CNEP1R1: variants seen among roughly 807,000 people sequenced by gnomAD.
CNEP1R1 encodes CTD nuclear envelope phosphatase 1 regulatory subunit 1.
In CNEP1R1, 10 loss-of-function variants were observed where a neutral mutation model predicts 22.7. The observed-to-expected ratio is 0.44, with a 90% CI of 0.27 to 0.75. The LOEUF is 0.75. CNEP1R1 is among the 30% of genes least tolerant of loss of function. The probability of loss-of-function intolerance (pLI) is 0.17; values close to 1 mark genes in which losing one functional copy is unlikely to be tolerated. For missense variants in CNEP1R1, 73 were observed against 151.5 expected, an observed-to-expected ratio of 0.48 and a Z score of 2.72; for synonymous variants, 53 against 50.1, an observed-to-expected ratio of 1.06 and a Z score of -0.25.
In CNEP1R1 at chr16:50,025,675, C is replaced by T. The variant is rs760645349; in HGVS notation, c.25+335C>T. On this transcript the variant is annotated intron_variant, in intron 1 of 5. Transcript: ENST00000427478. ...GCCCCGCGAGTTGTATCCCTGATTC[C>T]TGCGGTGGTTTCCGGTAACTGCCAA... is the stretch of plus-strand genomic sequence containing the variant. 3.1e-6 allele frequency: 5 copies of T among 1,614,030 alleles called. No homozygotes were observed. In the East Asian group the frequency reaches 6.7e-5, roughly 22 times the overall value.
rs1292854334 is a variant in CNEP1R1 at position 50,032,023 on chromosome 16, G to A, written c.172-1374G>A. 7.2e-5 allele frequency among the ~76,000 whole-genome samples: 11 copies of A among 152,172 alleles called. No homozygotes were observed. In the East Asian group the frequency reaches 1.9e-3, roughly 27 times the overall value. ...TCTTCTGGAATATTAACTTTTCCTT[G>A]GGTCATCATCTTTCTGGGAGCTTCT... is the stretch of plus-strand genomic sequence containing the variant. On this transcript the variant is annotated intron_variant, in intron 3 of 5. Transcript: ENST00000427478.
At chr16:50,025,723 T>C in intron 1 of CNEP1R1, 1 of 1,607,364 alleles carries the variant, frequency 6.2e-7, no homozygotes, top group African/African-American at 1.3e-5. Context: ...CTGCTCGGTG[T>C]TTTAAAGTTT....
chr16:50,029,631 T>C, intron 2 of CNEP1R1, 94 bp from the exon 3 acceptor site: 1 of 712,252 alleles, frequency 1.4e-6, no homozygotes, highest in East Asian at 2.6e-5. Context: ...TAAAGTGCTA[T>C]ATTCTTTGGT....
At chr16:50,028,323 A>G (rs2036204137) in intron 2 of CNEP1R1, among the ~76,000 whole-genome samples, 1 of 152,228 alleles carries the variant, frequency 6.6e-6, no homozygotes, top group Non-Finnish European at 1.5e-5. Context: ...AAGGAAGTGT[A>G]GTAGCACACA....
At chr16:50,030,541 GA>G (rs2036222814) in intron 3 of CNEP1R1, among the ~76,000 whole-genome samples, 1 of 152,070 alleles carries the variant, frequency 6.6e-6, no homozygotes, top group Non-Finnish European at 1.5e-5. Context: ...GACTTTACAG[GA>G]AACACACATG....
chr16:50,025,565 G>A, intron 1 of CNEP1R1: 10 of 1,366,026 alleles, frequency 7.3e-6, no homozygotes, highest in Middle Eastern at 2.1e-4. Flanking sequence ...CTCCTCGCCA[G>A]CTTCTATTTT....
At chr16:50,034,881 G>A (rs187772512) in intron 5 of CNEP1R1, among the ~76,000 whole-genome samples, 183 of 152,240 alleles carry the variant, frequency 1.2e-3, no homozygotes, top group African/African-American at 4.0e-3. Flanking sequence ...TAGCCTGGAC[G>A]ACAGTGAGAC....
chr16:50,027,507 C>CAAAA (rs71138024), intron 2 of CNEP1R1, among the ~76,000 whole-genome samples: 2 of 110,106 alleles, frequency 1.8e-5, no homozygotes, highest in Admixed American at 9.6e-5. Flanking sequence ...GACTCTGTCT[C>CAAAA]AAAAAAAAAA....
chr16:50,026,322 GT>G, intron 1 of CNEP1R1, 73 bp from the exon 2 acceptor site: 1 of 1,041,334 alleles, frequency 9.6e-7, no homozygotes, highest in Non-Finnish European at 1.5e-6. Flanking sequence ...TCGTCTTAAT[GT>G]TAGGTAAATA....
At chr16:50,025,591 G>T (rs1408151891) in intron 1 of CNEP1R1, 1 of 1,469,140 alleles carries the variant, frequency 6.8e-7, no homozygotes, top group Non-Finnish European at 9.5e-7. Flanking sequence ...TCTTTTCACT[G>T]GCAGACACTT....
chr16:50,030,898 A>C (rs1332173046), intron 3 of CNEP1R1, among the ~76,000 whole-genome samples: 1 of 152,238 alleles, frequency 6.6e-6, no homozygotes, highest in African/African-American at 2.4e-5. Context: ...GAATATCCCT[A>C]TACCAAATGC....
rs1336962198 is a variant in CNEP1R1, at chr16:50,026,475, C to A, written c.97+8C>A. 3.1e-6 allele frequency: 5 copies of A among 1,594,238 alleles called. No homozygotes were observed. The African/African-American group carries it at 6.7e-5, about 21-fold the overall frequency. ...CTACTGGACGCTGGAGAAGTAAGTTCCTGAATGTTATTTTAAGGGAAAACT... is the reference window on the plus strand; with the variant it reads ...CTACTGGACGCTGGAGAAGTAAGTTACTGAATGTTATTTTAAGGGAAAACT... On this transcript the variant is annotated splice_region_variant and intron_variant, in intron 2 of 5. Transcript: ENST00000427478.
intron 1 of CNEP1R1, chr16:50,025,809 G>A: frequency 1.1e-6 from 1 of 922,460 alleles, no homozygotes. Context: ...CTAGAACTAG[G>A]CGCTGCCTGG....
chr16:50,031,571 AAC>A, intron 3 of CNEP1R1, among the ~76,000 whole-genome samples: 1 of 152,338 alleles, frequency 6.6e-6, no homozygotes. Context: ...ATCTTAATAA[AAC>A]ACAGAATTAA....
At chr16:50,032,258 T>A (rs1306751102) in intron 3 of CNEP1R1, among the ~76,000 whole-genome samples, 2 of 152,220 alleles carry the variant, frequency 1.3e-5, no homozygotes, top group African/African-American at 4.8e-5. Flanking sequence ...CTCTAAATGC[T>A]TGTCTTCTCT....
chr16:50,025,520 A>G (rs2036172715), intron 1 of CNEP1R1, 180 bp downstream of exon 1: 3 of 1,080,256 alleles, frequency 2.8e-6, no homozygotes, highest in Non-Finnish European at 2.7e-6. Context: ...GCGGTGCCTC[A>G]GCTCCCTGAG....
intron 2 of CNEP1R1, 184 bp downstream of exon 2, chr16:50,026,651 C>T (rs964766022): frequency 3.8e-5 from 22 of 575,228 alleles, no homozygotes; most frequent in African/African-American, 3.4e-4. Context: ...CAGTCTATTT[C>T]GTGTGGTTGT....
rs1174737301 is a variant in CNEP1R1, at chr16:50,035,471, A to G, written c.*13A>G. Reference sequence around the variant, plus strand: ...TCATGTTCAATGACAATCTTCACTCATTGTTATGGGACTTAAAATAGCCTT... The same window carrying G: ...TCATGTTCAATGACAATCTTCACTCGTTGTTATGGGACTTAAAATAGCCTT... On this transcript the variant is annotated 3_prime_UTR_variant, in exon 6 of 6. Coordinates refer to ENST00000427478, the MANE Select transcript of CNEP1R1 (RefSeq NM_001281789.2). 6.4e-7 allele frequency: 1 copy of G among 1,568,638 alleles called. No homozygotes were observed. Among genetic ancestry groups the G allele is most frequent in the Admixed American group, 1.8e-5 (1 of 55,120 alleles).
chr16:50,026,587 C>T (rs1432302123), intron 2 of CNEP1R1, 120 bp downstream of exon 2: 1 of 737,652 alleles, frequency 1.4e-6, no homozygotes, highest in Non-Finnish European at 2.2e-6. Flanking sequence ...GTAGACAATG[C>T]CTTATGAAGA....
Sources: allele counts gnomAD v4.1 joint callset (sites outside exome capture counted in the v4.1 genomes callset), GRCh38; gene constraint gnomAD v4.1.1; transcripts MANE v1.5; gene names NCBI Gene and HGNC (gene_info 2026-07-23, HGNC 2026-07-21).